Variants in ISM1 observed in about 807,000 individuals in gnomAD.
ISM1 encodes isthmin-1.
In ISM1, 25 loss-of-function variants were observed where a neutral mutation model predicts 46.3. The ratio of observed to expected loss-of-function variants is 0.54; its 90% CI spans 0.39 to 0.75. ISM1 has a LOEUF of 0.75. ISM1 is among the 30% of genes least tolerant of loss of function. The pLI is 0.00. For missense variants in ISM1, 536 were observed against 625.4 expected (o/e 0.86, Z 1.52); for synonymous variants, 255 against 256.7 (o/e 0.99, Z 0.06).
intron 3 of ISM1, 134 bp from the exon 4 acceptor site, chr20:13,288,406 A>G (rs1171236264): frequency 4.4e-6 from 4 of 910,476 alleles, no homozygotes; most frequent in Non-Finnish European, 6.5e-6. Context: ...TTTTAGCTCC[A>G]GCTGAAAAGT....
chr20:13,242,076 T>G (rs1022289979), intron 1 of ISM1, among the ~76,000 whole-genome samples: 13 of 151,618 alleles, frequency 8.6e-5, no homozygotes, highest in Admixed American at 3.3e-4. Context: ...ACTGGAAAAA[T>G]GAGTTAAAAG....
chr20:13,298,056 C>G (rs1248072152), intron 5 of ISM1, among the ~76,000 whole-genome samples: 1 of 152,110 alleles, frequency 6.6e-6, no homozygotes, highest in Non-Finnish European at 1.5e-5. Flanking sequence ...CCTTTTCCAT[C>G]ATATCATCAC....
chr20:13,247,682 G>A (rs941232041), intron 1 of ISM1, among the ~76,000 whole-genome samples: 5 of 152,104 alleles, frequency 3.3e-5, no homozygotes, highest in Admixed American at 6.6e-5. Flanking sequence ...CAGCCAAGTC[G>A]TGTTTGCACC....
intron 1 of ISM1, among the ~76,000 whole-genome samples, chr20:13,267,520 G>C (rs929026869): frequency 2.6e-5 from 4 of 152,140 alleles, no homozygotes; most frequent in Non-Finnish European, 5.9e-5. Context: ...GGAGGGTACA[G>C]GGCTCTTCTT....
At position 13,299,579 on chromosome 20, in the gene ISM1, CATGAGT is replaced by C; in HGVS notation, c.*123_*128del. The stretch of plus-strand genomic sequence containing the variant: ...CGGTCGTGTATATTTGTATATACCA[CATGAGT>C]ATTTCTCATACATTACGCTAGGGGC... On this transcript the variant is annotated 3_prime_UTR_variant, in exon 6 of 6. Coordinates refer to ENST00000262487, the MANE Select transcript of ISM1 (RefSeq NM_080826.2). The surrounding 1 kb of genome is among the most constrained non-coding windows in gnomAD (Gnocchi z 5.8). 1 of 938,522 alleles carries C rather than the reference CATGAGT, an allele frequency of 1.1e-6. No homozygotes were observed. The highest frequency in any genetic ancestry group is 1.6e-6 in the Non-Finnish European group (1 of 624,114). 58.1% of individuals were successfully genotyped at this position (938,522 alleles called of 1,614,324 possible). A position where few individuals can be genotyped will look rare whatever the true frequency, so the allele number is the denominator to read the frequency against.
chr20:13,305,425 C>T (rs1404570211), downstream of ISM1, among the ~76,000 whole-genome samples: 1 of 152,114 alleles, frequency 6.6e-6, no homozygotes, highest in Non-Finnish European at 1.5e-5. Flanking sequence ...AATTCCATCC[C>T]GACACACAAA....
intron 3 of ISM1, among the ~76,000 whole-genome samples, chr20:13,283,754 C>T (rs1568685774): frequency 6.6e-6 from 1 of 152,184 alleles, no homozygotes; most frequent in Non-Finnish European, 1.5e-5. Context: ...GAATAGCCCA[C>T]ATAATGAAAT....
intron 4 of ISM1, among the ~76,000 whole-genome samples, chr20:13,291,583 G>A (rs1489131099): frequency 2.0e-5 from 3 of 152,186 alleles, no homozygotes; most frequent in Admixed American, 2.0e-4. Context: ...GCTTGCACCG[G>A]ATTCCTGATT....
chr20:13,246,305 C>T (rs938626029), intron 1 of ISM1, among the ~76,000 whole-genome samples: 4 of 151,438 alleles, frequency 2.6e-5, no homozygotes, highest in African/African-American at 9.7e-5. Context: ...TGTGAACTGT[C>T]GAGGTAGAAA....
rs1035035389 is a variant in ISM1 at position 13,221,387 on chromosome 20, C to G, written c.-390C>G. 6.8e-6 allele frequency among the ~76,000 whole-genome samples: 1 copy of G among 147,788 alleles called. No individual in the cohort carries two copies. The highest frequency in any genetic ancestry group is 1.5e-5 in the Non-Finnish European group (1 of 66,076). On this transcript the variant is annotated 5_prime_UTR_variant, in exon 1 of 6. Coordinates refer to ENST00000262487, the MANE Select transcript of ISM1 (RefSeq NM_080826.2). ...GGGCTCGGCTGCGCCCGCCCCGCCG[C>G]CGACCCCGCAGCCCCCTGCCAGCAG...
rs376760500 is a variant in ISM1 at position 13,299,493 on chromosome 20, G to C, written c.*34G>C. On this transcript the variant is annotated 3_prime_UTR_variant, in exon 6 of 6. Coordinates refer to ENST00000262487, the MANE Select transcript of ISM1 (RefSeq NM_080826.2). The surrounding 1 kb of genome is among the most constrained non-coding windows in gnomAD (Gnocchi z 5.8). The stretch of plus-strand genomic sequence containing the variant: ...GGATGAGGTGGAGGACGCTGCCTCT[G>C]GTTCTGGAGCACACACGTGCTGCAC... The C allele has an allele frequency of 1.3e-6, 2 of 1,563,118 alleles. No individual in the cohort carries two copies. Among genetic ancestry groups the C allele is most frequent in the African/African-American group, 2.7e-5 (2 of 74,150 alleles).
chr20:13,267,202 T>C (rs1428627075), intron 1 of ISM1, among the ~76,000 whole-genome samples: 3 of 152,222 alleles, frequency 2.0e-5, no homozygotes, highest in African/African-American at 7.2e-5. Context: ...GTTAAATATG[T>C]TTTGAAAGAG....
chr20:13,282,184 A>T (rs1422024357), intron 3 of ISM1, among the ~76,000 whole-genome samples: 1 of 152,026 alleles, frequency 6.6e-6, no homozygotes, highest in Non-Finnish European at 1.5e-5. Flanking sequence ...TTCTCCCCAG[A>T]CCAGTTGAAT....
chr20:13,286,210 G>T (rs1188102464), intron 3 of ISM1, among the ~76,000 whole-genome samples: 1 of 152,140 alleles, frequency 6.6e-6, no homozygotes, highest in Non-Finnish European at 1.5e-5. Context: ...ATGTGCGTAT[G>T]ACCCGCTGCA....
intron 1 of ISM1, 88 bp from the exon 2 acceptor site, chr20:13,270,416 C>A: frequency 7.0e-7 from 1 of 1,434,962 alleles, no homozygotes; most frequent in Non-Finnish European, 9.4e-7. Context: ...TGGAATTGTC[C>A]TTGCTCCTGA....
chr20:13,292,328 C>T (rs1333566631), intron 4 of ISM1, 46 bp from the exon 5 acceptor site: 2 of 1,279,380 alleles, frequency 1.6e-6, no homozygotes, highest in South Asian at 2.6e-5. Context: ...GGGGAGATAA[C>T]TTTTTCCATG....
intron 1 of ISM1, among the ~76,000 whole-genome samples, chr20:13,252,737 C>T (rs2039881791): frequency 6.6e-6 from 1 of 151,772 alleles, no homozygotes; most frequent in African/African-American, 2.4e-5. Flanking sequence ...GCTTGGGCAA[C>T]AGAGCGAGAC....
At chr20:13,310,610 A>G in the ISM1 span, among the ~76,000 whole-genome samples, 1 of 152,240 alleles carries the variant, frequency 6.6e-6, no homozygotes, top group Non-Finnish European at 1.5e-5. Flanking sequence ...CAGCTAAGGA[A>G]GCAATCAACA....
chr20:13,314,164 A>G, the ISM1 span, among the ~76,000 whole-genome samples: 2 of 152,200 alleles, frequency 1.3e-5, no homozygotes, highest in African/African-American at 2.4e-5. Context: ...TAACATACAC[A>G]TAATGGGAAT....
Sources: allele counts gnomAD v4.1 joint callset (sites outside exome capture counted in the v4.1 genomes callset), GRCh38; gene constraint gnomAD v4.1.1; non-coding constraint Gnocchi (gnomAD v3.1); transcripts MANE v1.5; gene names NCBI Gene and HGNC (gene_info 2026-07-23, HGNC 2026-07-21).